Variants in PGAP6 observed in about 807,000 individuals in gnomAD.
PGAP6 encodes the protein post-GPI attachment to proteins factor 6.
A neutral mutation model predicts 68.4 loss-of-function variants in PGAP6; 62 were observed. The observed-to-expected ratio is 0.91, with a 90% CI of 0.74 to 1.12. The LOEUF (loss-of-function observed/expected upper bound fraction) is 1.12. Ranked by LOEUF, PGAP6 falls within the 50% of genes most tolerant of loss-of-function variation. The probability of loss-of-function intolerance (pLI) is 0.00; values close to 1 mark genes in which losing one functional copy is unlikely to be tolerated. For missense variants in PGAP6, 1,188 were observed against 1,068.5 expected, an observed-to-expected ratio of 1.11 and a Z score of -1.56; for synonymous variants, 575 against 474.0, an observed-to-expected ratio of 1.21 and a Z score of -2.77.
chr16:374,524 G>T, intron 9 of PGAP6, 125 bp from the exon 10 acceptor site: 1 of 1,226,144 alleles, frequency 8.2e-7, no homozygotes, highest in Non-Finnish European at 1.1e-6. Flanking sequence ...GGCACGGCGG[G>T]CGGGGTCCAA....
intron 12 of PGAP6, 73 bp downstream of exon 12, chr16:372,538 G>C (rs574904433): frequency 8.0e-7 from 1 of 1,251,670 alleles, no homozygotes; most frequent in African/African-American, 1.5e-5. Flanking sequence ...GACCAGGAAC[G>C]TGGCTAGAGC....
In PGAP6 at chr16:374,775, G is replaced by A. The variant is rs150840904; in HGVS notation, c.1557C>T (p.Ala519=). Reference sequence around the variant, plus strand: ...ACTCACCTGCCTTGCAGCTGCAGCTGGCATACAGGTAGCTGTGTCTGCGGA... The same window carrying A: ...ACTCACCTGCCTTGCAGCTGCAGCTAGCATACAGGTAGCTGTGTCTGCGGA... ...LLLRRHSYLY[A]SCSCKAGWRG... Residue 519 remains alanine, a synonymous_variant, in exon 9 of 13, where the codon GCC becomes GCT. Coordinates refer to ENST00000431232, the MANE Select transcript of PGAP6 (RefSeq NM_021259.3). 4.4e-5 allele frequency: 71 copies of A among 1,612,578 alleles called. No individual in the cohort carries two copies. The highest frequency in any genetic ancestry group is 5.4e-5 in the Non-Finnish European group (64 of 1,179,906).
chr16:381,636 C>A, intron 1 of PGAP6, 65 bp downstream of exon 1: 1 of 1,139,832 alleles, frequency 8.8e-7, no homozygotes, highest in South Asian at 4.2e-5. Context: ...CCCGGGGTGT[C>A]ACAATCCCGC....
At chr16:374,973 A>G (rs2054368455) in intron 8 of PGAP6, 81 bp from the exon 9 acceptor site, 2 of 1,598,310 alleles carry the variant, frequency 1.3e-6, no homozygotes, top group African/African-American at 2.7e-5. Context: ...AGGCTGACAG[A>G]CATGAGAACG....
At position 375,188 on chromosome 16, in the gene PGAP6, G is replaced by C. The variant is rs1476276781; in HGVS notation, c.1384C>G (p.Pro462Ala). ...GAGAGGTACCAGTTGTCTGTCTCTG[G>C]GTAGGGGATGATGAGGTTGGCCCTG... ...SRRANLIIPYPETDNWYLSLQ... is the reference protein window; with the variant it reads ...SRRANLIIPYAETDNWYLSLQ... The change falls in exon 8 of 13, where the codon CCA (proline) becomes GCA (alanine). Residue 462 changes from proline (P) to alanine (A), a missense_variant. Coordinates refer to ENST00000431232, the MANE Select transcript of PGAP6 (RefSeq NM_021259.3). 1.2e-6 allele frequency: 2 copies of C among 1,613,360 alleles called. No homozygotes were observed. Among genetic ancestry groups the C allele is most frequent in the Non-Finnish European group, 1.7e-6 (2 of 1,180,000 alleles).
chr16:376,412 G>A lies in PGAP6; in HGVS notation c.948C>T (p.Ser316=). 1 of 1,597,758 alleles carries A rather than the reference G, an allele frequency of 6.3e-7. No homozygotes were observed. The highest frequency in any genetic ancestry group is 8.5e-7 in the Non-Finnish European group (1 of 1,170,818). The stretch of plus-strand genomic sequence containing the variant: ...AGGCATTGAAGCTCTGGTTTTGGCT[G>A]CTCTGCAGAAGGGGCTGGATGGTCA... ...RSVTIQPLLQ[S]SQNQSFNASS... Residue 316 remains serine (S), a synonymous_variant, in exon 6 of 13, where the codon AGC becomes AGT. Coordinates refer to ENST00000431232, the MANE Select transcript of PGAP6 (RefSeq NM_021259.3).
At position 377,561 on chromosome 16, in the gene PGAP6, C is replaced by G. The variant is rs766412466; in HGVS notation, c.324G>C (p.Pro108=). The change falls in exon 3 of 13, where the codon CCG becomes CCC. Residue 108 remains proline, a synonymous_variant. Coordinates refer to ENST00000431232, the MANE Select transcript of PGAP6 (RefSeq NM_021259.3). ...AGCTGGTGCCCAGCGGGTTGATGAC[C>G]GGAGGGGCGCCGGAACGGAAGTGCC... ...ITVHFRSGAP[P]VINPLGTSFP... is the part of the protein sequence containing the mutation. The G allele has an allele frequency of 5.1e-6, 8 of 1,582,680 alleles. No homozygotes were observed. Among genetic ancestry groups the G allele is most frequent in the Non-Finnish European group, 6.9e-6 (8 of 1,165,104 alleles).
Position 377,081 on chromosome 16 carries a change from G to T in PGAP6, c.591C>A (p.Asp197Glu). 6.2e-7 allele frequency: 1 copy of T among 1,613,462 alleles called. No homozygotes were observed. The highest frequency in any genetic ancestry group is 1.1e-5 in the South Asian group (1 of 91,086). The stretch of plus-strand genomic sequence containing the variant: ...AGAGGAGGGTCTGAGGAAGGGGCAC[G>T]TCCGGCTCCATGATGGAAATCTCGA... ...RVVEISIMEP[D>E]VPLPQTLLSH... Residue 197 changes from aspartate to glutamate, a missense_variant, in exon 4 of 13, where the codon GAC becomes GAA. Coordinates refer to ENST00000431232, the MANE Select transcript of PGAP6 (RefSeq NM_021259.3).
upstream of PGAP6, among the ~76,000 whole-genome samples, chr16:384,772 C>A (rs1034722754): frequency 1.3e-5 from 2 of 151,180 alleles, no homozygotes; most frequent in Non-Finnish European, 1.5e-5. Flanking sequence ...AGGAGAATGG[C>A]GTGAACCCAG....
chr16:372,222 T>A lies in PGAP6; in HGVS notation c.2081A>T (p.Tyr694Phe). The part of the protein sequence containing the change: ...YPTSWQRWAF[Y>F]LLPGVSMASV... The stretch of plus-strand genomic sequence containing the variant: ...GGCCATAGAGACGCCGGGCAGGAGG[T>A]AGAAGGCCCAGCGCTGCCACGAGGT... The change falls in exon 13 of 13, where the codon TAC becomes TTC. Residue 694 changes from tyrosine (Y) to phenylalanine (F), a missense_variant. Coordinates refer to ENST00000431232, the MANE Select transcript of PGAP6 (RefSeq NM_021259.3). 6.2e-7 allele frequency: 1 copy of A among 1,612,090 alleles called. No individual in the cohort carries two copies. Among genetic ancestry groups the A allele is most frequent in the Non-Finnish European group, 8.5e-7 (1 of 1,179,850 alleles).
chr16:372,641 G>C lies in PGAP6; in HGVS notation c.1989C>G (p.Leu663=). The C allele has an allele frequency of 4.3e-6, 7 of 1,612,326 alleles. No individual in the cohort carries two copies. The highest frequency in any genetic ancestry group is 5.1e-6 in the Non-Finnish European group (6 of 1,179,850). Residue 663 remains leucine (L), a synonymous_variant, in exon 12 of 13, where the codon CTC becomes CTG. Coordinates refer to ENST00000431232, the MANE Select transcript of PGAP6 (RefSeq NM_021259.3). ...TGGAGGCCATGATCACGAAGGCAAA[G>C]AGGCAGGGCCCCAGCATGTTCCACA... The part of the protein sequence containing the change: ...RGMWNMLGPC[L]FAFVIMASMW...
Position 373,920 on chromosome 16 carries a change from C to T in PGAP6, c.1902+85G>A, listed in dbSNP as rs2054356076. ...GGGCCGTGCCCAACGCCAGGTCCGG[C>T]CTCTCCCACGGTACTGCCTTTCGCA... On this transcript the variant is annotated intron_variant, in intron 11 of 12. Coordinates refer to ENST00000431232, the MANE Select transcript of PGAP6 (RefSeq NM_021259.3). 8.2e-6 allele frequency: 12 copies of T among 1,455,406 alleles called. No homozygotes were observed. The South Asian group carries it at 1.6e-4, about 20-fold the overall frequency. 90.2% of individuals were successfully genotyped at this position (1,455,406 alleles called of 1,614,324 possible). A position where few individuals can be genotyped will look rare whatever the true frequency, so the allele number is the denominator to read the frequency against.
At chr16:385,277 A>G (rs1036933363), upstream of PGAP6, among the ~76,000 whole-genome samples, 11 of 151,672 alleles carry the variant, frequency 7.3e-5, no homozygotes, top group Admixed American at 3.9e-4. Flanking sequence ...CATGAGGGCA[A>G]TGGGTAAATA....
upstream of PGAP6, chr16:382,083 G>C (rs1295425037): frequency 5.9e-6 from 2 of 337,818 alleles, no homozygotes; most frequent in South Asian, 1.6e-4. Flanking sequence ...GTCACGTGGG[G>C]CGCCGGTAGG....
chr16:376,922 T>C, intron 4 of PGAP6, 110 bp from the exon 5 acceptor site: 2 of 1,559,662 alleles, frequency 1.3e-6, no homozygotes, highest in Non-Finnish European at 1.7e-6. Flanking sequence ...GCCAGGCATC[T>C]GGACCACTTC....
At chr16:378,696 T>G (rs1392063305) in intron 1 of PGAP6, among the ~76,000 whole-genome samples, 1 of 152,084 alleles carries the variant, frequency 6.6e-6, no homozygotes, top group African/African-American at 2.4e-5. Flanking sequence ...CCTGGATGGG[T>G]TGGCTGCCTG....
Position 375,193 on chromosome 16 carries a change from G to T in PGAP6, c.1379C>A (p.Pro460His). 1 of 1,613,480 alleles carries T rather than the reference G, an allele frequency of 6.2e-7. No homozygotes were observed. The highest frequency in any genetic ancestry group is 8.5e-7 in the Non-Finnish European group (1 of 1,180,000). Residue 460 changes from proline to histidine, a missense_variant, in exon 8 of 13, where the codon CCC becomes CAC. By Grantham distance (77) the Pro-to-His change is moderately conservative. Coordinates refer to ENST00000431232, the MANE Select transcript of PGAP6 (RefSeq NM_021259.3). ...GTACCAGTTGTCTGTCTCTGGGTAG[G>T]GGATGATGAGGTTGGCCCTGCGAGA... ...AWSRRANLIIPYPETDNWYLS... is the reference protein window; with the variant it reads ...AWSRRANLIIHYPETDNWYLS...
Position 381,958 on chromosome 16 carries a change from G to A in PGAP6, c.-137C>T, listed in dbSNP as rs1485942993. The A allele has an allele frequency of 3.1e-6, 3 of 972,920 alleles. No individual in the cohort carries two copies. The highest frequency in any genetic ancestry group is 4.6e-5 in the South Asian group (1 of 21,736). The allele number at this position is 972,920 out of a possible 1,614,324, so 60.3% of individuals were successfully genotyped here. ...GGCGCCCATGGCCCGGCCGGTCCCC[G>A]CCGCCGTCGCCCCGGGCACTTCCGC... is the stretch of plus-strand genomic sequence containing the variant. On this transcript the variant is annotated 5_prime_UTR_variant, in exon 1 of 13. Transcript: ENST00000431232.
intron 6 of PGAP6, among the ~76,000 whole-genome samples, chr16:375,809 C>G (rs973072880): frequency 6.6e-6 from 1 of 152,162 alleles, no homozygotes; most frequent in Non-Finnish European, 1.5e-5. Flanking sequence ...GGATTACAGG[C>G]GTGAGCCACC....
Sources: gnomAD v4.1 joint callset for allele counts (sites outside exome capture counted in the v4.1 genomes callset) on GRCh38, gnomAD v4.1.1 for gene constraint, MANE v1.5 for transcripts, NCBI Gene and HGNC (gene_info 2026-07-23, HGNC 2026-07-21) for gene names.